Variants in RP1L1 observed in about 807,000 individuals in gnomAD.
The protein encoded by RP1L1 is retinitis pigmentosa 1-like 1 protein.
Under a neutral mutation model 15.7 loss-of-function variants are expected in RP1L1, and 27 were observed. The ratio of observed to expected loss-of-function variants is 1.72; its 90% confidence interval spans 1.27 to 2.38. The LOEUF (loss-of-function observed/expected upper bound fraction) is 2.38. Among genes scored for constraint, RP1L1 ranks in the 30% most tolerant of loss-of-function variants. The probability of loss-of-function intolerance (pLI) is 0.00; values close to 1 mark genes in which losing one functional copy is unlikely to be tolerated. For synonymous variants in RP1L1, 1,813 were observed against 1,276.7 expected (o/e 1.42, Z -8.96); for missense variants, 4,798 against 3,075.9 (o/e 1.56, Z -13.24).
In RP1L1 at chr8:10,609,003, C is replaced by A; in HGVS notation, c.5095G>T (p.Glu1699Ter). Residue 1699 changes from glutamate (E) to a stop codon, truncating the protein, a stop_gained, in exon 4 of 4, where the codon GAA becomes TAA. Transcript: ENST00000382483. LOFTEE classifies it low-confidence loss of function (END_TRUNC). The stretch of plus-strand genomic sequence containing the variant: ...TCTGCTGCCTCCCCATCAGTGTGTT[C>A]TCCCCTCTTCCTCTGCAGAATCTGC... ...LQQILQRKRG[E>*]HTDGEAAEVA... 6.2e-7 allele frequency: 1 copy of A among 1,613,360 alleles called. No individual in the cohort carries two copies. Among genetic ancestry groups the A allele is most frequent in the African/African-American group, 1.3e-5 (1 of 75,050 alleles).
At position 10,609,616 on chromosome 8, in the gene RP1L1, T is replaced by C. The variant is rs201357374; in HGVS notation, c.4482A>G (p.Gln1494=). Residue 1494 remains glutamine, a synonymous_variant, in exon 4 of 4, where the codon CAA becomes CAG. Transcript: ENST00000382483. The stretch of plus-strand genomic sequence containing the variant: ...TCCTCTCTGCAGCCCCCTGGGTGGG[T>C]TGGGCCTGCGTGTGCTCTTGGCCCA... The part of the protein sequence containing the change: ...TMMGQEHTQA[Q]PTQGAAERSS... 1.5e-3 allele frequency: 2,487 copies of C among 1,607,184 alleles called. 66 individuals are homozygous for C. The South Asian group carries it at 0.024, about 15-fold the overall frequency.
chr8:10,627,455 A>C (rs1798176273), intron 1 of RP1L1, among the ~76,000 whole-genome samples: 1 of 152,126 alleles, frequency 6.6e-6, no homozygotes, highest in Non-Finnish European at 1.5e-5. Flanking sequence ...GACAGAAAGT[A>C]GGATGGGGGA....
intron 1 of RP1L1, among the ~76,000 whole-genome samples, chr8:10,633,381 C>T (rs1585991400): frequency 6.6e-6 from 1 of 152,166 alleles, no homozygotes; most frequent in South Asian, 2.1e-4. Context: ...ACCCTTAGTT[C>T]AAAGGACAAA....
At chr8:10,615,055 C>G (rs745690173) in intron 3 of RP1L1, among the ~76,000 whole-genome samples, 1 of 152,194 alleles carries the variant, frequency 6.6e-6, no homozygotes, top group Non-Finnish European at 1.5e-5. Flanking sequence ...ATGGCTTTGC[C>G]CAGTCCTGGC....
intron 1 of RP1L1, among the ~76,000 whole-genome samples, chr8:10,647,909 A>G (rs529957830): frequency 2.4e-4 from 37 of 152,208 alleles, no homozygotes; most frequent in Non-Finnish European, 5.0e-4. Flanking sequence ...TTCTTGGAGG[A>G]AACTCCATTC....
rs750487697 is a variant in RP1L1 at position 10,607,459 on chromosome 8, C to T, written c.6639G>A (p.Glu2213=). 1.3e-5 allele frequency: 21 copies of T among 1,613,472 alleles called. No homozygotes were observed. In the South Asian group the frequency reaches 2.2e-4, roughly 17 times the overall value. The change falls in exon 4 of 4, where the codon GAG becomes GAA. Residue 2213 remains glutamate (E), a synonymous_variant. Coordinates refer to ENST00000382483, the MANE Select transcript of RP1L1 (RefSeq NM_178857.6). Reference sequence around the variant, plus strand: ...GGGCCTCCTCTTCAGCCTCCGGGGCCTCTACACCTTCTAACTCTGGTTGGG... The same window carrying T: ...GGGCCTCCTCTTCAGCCTCCGGGGCTTCTACACCTTCTAACTCTGGTTGGG... ...GEAQPELEGV[E]APEAEEEAQP... is the part of the protein sequence containing the mutation.
At chr8:10,617,602 G>A (rs1201396299) in intron 2 of RP1L1, among the ~76,000 whole-genome samples, 1 of 118,722 alleles carries the variant, frequency 8.4e-6, no homozygotes, top group African/African-American at 3.2e-5. Context: ...TGTCACCCAG[G>A]CTGGAGTGCA....
At chr8:10,628,634 GA>G (rs1429812964) in intron 1 of RP1L1, among the ~76,000 whole-genome samples, 1 of 152,118 alleles carries the variant, frequency 6.6e-6, no homozygotes, top group African/African-American at 2.4e-5. Context: ...TTCAAAAGAA[GA>G]AAAGAAATCA....
intron 2 of RP1L1, among the ~76,000 whole-genome samples, chr8:10,619,375 A>G (rs960877414): frequency 6.6e-6 from 1 of 152,216 alleles, no homozygotes; most frequent in African/African-American, 2.4e-5. Context: ...TGTGCCACTG[A>G]GACATCAAAA....
intron 1 of RP1L1, among the ~76,000 whole-genome samples, chr8:10,652,763 C>T (rs534829078): frequency 2.3e-4 from 35 of 152,296 alleles, no homozygotes; most frequent in African/African-American, 8.4e-4. Flanking sequence ...GAGCCCACGT[C>T]CCCCCTGATT....
rs969809641 is a variant in RP1L1, at chr8:10,637,480, A to G, written c.-19-14260T>C. ...AAAAATAAAAGCCGGCCACGGTGGC[A>G]TATGTCTAAAGTCCCACCTACTCTG... On this transcript the variant is annotated intron_variant, in intron 1 of 3. Coordinates refer to ENST00000382483, the MANE Select transcript of RP1L1 (RefSeq NM_178857.6). 2.6e-5 allele frequency among the ~76,000 whole-genome samples: 4 copies of G among 152,208 alleles called. No individual in the cohort carries two copies. In the East Asian group the frequency reaches 7.7e-4, roughly 29 times the overall value.
intron 1 of RP1L1, among the ~76,000 whole-genome samples, chr8:10,635,276 GC>G (rs1798311595): frequency 6.7e-6 from 1 of 148,914 alleles, no homozygotes; most frequent in Non-Finnish European, 1.5e-5. Flanking sequence ...AGCCTCAGCA[GC>G]CCATAATTCT....
rs374097176 is a variant in RP1L1 at position 10,613,322 on chromosome 8, G to T, written c.776C>A (p.Pro259Gln). The T allele has an allele frequency of 6.1e-5, 97 of 1,600,850 alleles. No individual in the cohort carries two copies. The African/African-American group carries it at 1.1e-3, about 19-fold the overall frequency. ...CGGAGACCGCGAATGGATCACACTC[G>T]GCTTGGTCTTTGGCCCCCAGCTCCC... ...KNGSWGPKTKPSVIHSRSPPG... is the reference protein window; with the variant it reads ...KNGSWGPKTKQSVIHSRSPPG... Residue 259 changes from proline to glutamine, a missense_variant, in exon 4 of 4, where the codon CCG (proline) becomes CAG (glutamine). Pro to Gln is a moderately conservative substitution (Grantham distance 76). Transcript: ENST00000382483.
At chr8:10,634,705 G>C (rs770499929) in intron 1 of RP1L1, among the ~76,000 whole-genome samples, 20 of 152,192 alleles carry the variant, frequency 1.3e-4, no homozygotes, top group Non-Finnish European at 2.5e-4. Context: ...CCCAGGGACA[G>C]CTGCTGCAGT....
intron 2 of RP1L1, among the ~76,000 whole-genome samples, chr8:10,617,996 C>T (rs1034689910): frequency 5.3e-5 from 8 of 152,160 alleles, no homozygotes; most frequent in Non-Finnish European, 2.9e-5. Flanking sequence ...ACATGCTAGT[C>T]CACGGTAATG....
In RP1L1 at chr8:10,610,433, G is replaced by C; in HGVS notation, c.3665C>G (p.Thr1222Ser). The C allele has an allele frequency of 1.2e-6, 2 of 1,613,848 alleles. No individual in the cohort carries two copies. The highest frequency in any genetic ancestry group is 1.7e-6 in the Non-Finnish European group (2 of 1,180,020). ...CAGCTCTGTCCCCTGTGTCACCAGG[G>C]TGCCGTCCATGGCACAGGGTACGCT... is the stretch of plus-strand genomic sequence containing the variant. ...ESSVPCAMDG[T>S]LVTQGTELPL... The change falls in exon 4 of 4, where the codon ACC becomes AGC. Residue 1222 changes from threonine to serine, a missense_variant. Transcript: ENST00000382483.
At chr8:10,652,757 C>T (rs1798581283) in intron 1 of RP1L1, among the ~76,000 whole-genome samples, 1 of 152,178 alleles carries the variant, frequency 6.6e-6, no homozygotes, top group African/African-American at 2.4e-5. Flanking sequence ...CACTCTGAGC[C>T]CACGTCCCCC....
chr8:10,643,635 G>C (rs1326235430), intron 1 of RP1L1, among the ~76,000 whole-genome samples: 1 of 152,096 alleles, frequency 6.6e-6, no homozygotes, highest in Non-Finnish European at 1.5e-5. Flanking sequence ...AAGTAGCAAA[G>C]AGTCTGGGAA....
At position 10,610,819 on chromosome 8, in the gene RP1L1, C is replaced by T. The variant is rs751781226; in HGVS notation, c.3279G>A (p.Lys1093=). 1.3e-5 allele frequency: 21 copies of T among 1,608,224 alleles called. No homozygotes were observed. Among genetic ancestry groups the T allele is most frequent in the Middle Eastern group, 3.3e-4 (2 of 6,052 alleles). ...CGGGCACGCTGCTGGGCCGGCCCTGCTTGGAGCCCATCAGCGCCCTCATGA... is the reference window on the plus strand; with the variant it reads ...CGGGCACGCTGCTGGGCCGGCCCTGTTTGGAGCCCATCAGCGCCCTCATGA... ...TQIMRALMGS[K]QGRPSSVPEV... The change falls in exon 4 of 4, where the codon AAG becomes AAA. Residue 1093 remains lysine, a synonymous_variant. Coordinates refer to ENST00000382483, the MANE Select transcript of RP1L1 (RefSeq NM_178857.6).
Sources: allele counts gnomAD v4.1 joint callset (sites outside exome capture counted in the v4.1 genomes callset), GRCh38; gene constraint gnomAD v4.1.1; transcripts MANE v1.5; gene names NCBI Gene and HGNC (gene_info 2026-07-23, HGNC 2026-07-21).